Variants in SGCZ observed in about 807,000 individuals in gnomAD.
SGCZ encodes sarcoglycan zeta, also known as zeta-sarcoglycan.
In SGCZ, 40 loss-of-function variants were observed where a neutral mutation model predicts 41.3. The ratio of observed to expected loss-of-function variants is 0.97; its 90% confidence interval spans 0.75 to 1.26. SGCZ has a LOEUF of 1.26. SGCZ is among the 50% of genes most tolerant of loss of function. The pLI is 0.00. For missense variants in SGCZ, 552 were observed against 369.8 expected, an observed-to-expected ratio of 1.49 and a Z score of -4.04; for synonymous variants, 206 against 137.5, an observed-to-expected ratio of 1.50 and a Z score of -3.49.
intron 1 of SGCZ, among the ~76,000 whole-genome samples, chr8:14,863,970 G>T (rs1049315675): frequency 6.6e-6 from 1 of 152,112 alleles, no homozygotes; most frequent in Non-Finnish European, 1.5e-5. Flanking sequence ...AGACATTCAA[G>T]AAATTACTAA....
intron 1 of SGCZ, among the ~76,000 whole-genome samples, chr8:14,965,165 A>G (rs1366254628): frequency 2.0e-5 from 3 of 152,134 alleles, no homozygotes; most frequent in African/African-American, 4.8e-5. Context: ...CTGCGGCCAT[A>G]GTTCGCAGAA....
At chr8:14,702,668 G>C (rs1199880694) in intron 1 of SGCZ, among the ~76,000 whole-genome samples, 2 of 151,624 alleles carry the variant, frequency 1.3e-5, no homozygotes, top group Non-Finnish European at 2.9e-5. Flanking sequence ...CAAACACCTT[G>C]GGGTCACTGA....
At chr8:14,592,466 C>T (rs1315330639) in intron 1 of SGCZ, among the ~76,000 whole-genome samples, 4 of 151,920 alleles carry the variant, frequency 2.6e-5, no homozygotes, top group Non-Finnish European at 5.9e-5. Context: ...TAATGTAATT[C>T]TTTCTTAATT....
chr8:14,391,851 C>T (rs773613398), intron 2 of SGCZ, among the ~76,000 whole-genome samples: 1 of 152,038 alleles, frequency 6.6e-6, no homozygotes, highest in Non-Finnish European at 1.5e-5. Flanking sequence ...AATGGTGGAG[C>T]TTTGCAACTG....
At chr8:14,757,319 G>T (rs902440069) in intron 1 of SGCZ, among the ~76,000 whole-genome samples, 2 of 152,224 alleles carry the variant, frequency 1.3e-5, no homozygotes, top group Non-Finnish European at 2.9e-5. Flanking sequence ...AAAGCACTGG[G>T]ACTGCAGGCG....
At chr8:14,895,397 A>T (rs961864386) in intron 1 of SGCZ, among the ~76,000 whole-genome samples, 1 of 152,116 alleles carries the variant, frequency 6.6e-6, no homozygotes, top group African/African-American at 2.4e-5. Context: ...TTACCAATGC[A>T]CATCTGTGTG....
At chr8:14,795,205 T>C (rs1370696083) in intron 1 of SGCZ, among the ~76,000 whole-genome samples, 1 of 152,182 alleles carries the variant, frequency 6.6e-6, no homozygotes, top group Non-Finnish European at 1.5e-5. Context: ...GATATATTTG[T>C]TCCTTAGACA....
chr8:14,436,218 G>A (rs188494815), intron 2 of SGCZ, among the ~76,000 whole-genome samples: 92 of 152,238 alleles, frequency 6.0e-4, no homozygotes, highest in African/African-American at 1.9e-3. Flanking sequence ...AATGAGCCAC[G>A]GAACTCGTGG....
intron 1 of SGCZ, among the ~76,000 whole-genome samples, chr8:15,135,727 G>C (rs1048187232): frequency 6.6e-6 from 1 of 151,836 alleles, no homozygotes; most frequent in Non-Finnish European, 1.5e-5. Flanking sequence ...CCCAGAACTG[G>C]GGCTTGGCCT....
intron 5 of SGCZ, among the ~76,000 whole-genome samples, chr8:14,154,273 G>A (rs542554976): frequency 6.6e-5 from 10 of 152,112 alleles, no homozygotes; most frequent in Non-Finnish European, 1.3e-4. Flanking sequence ...GGAGGCTGAG[G>A]CAGGAGAATG....
At chr8:14,698,632 G>A (rs1225908513) in intron 1 of SGCZ, among the ~76,000 whole-genome samples, 1 of 151,838 alleles carries the variant, frequency 6.6e-6, no homozygotes, top group Non-Finnish European at 1.5e-5. Flanking sequence ...ATATGTGTGG[G>A]GGGGTATAAT....
At chr8:14,501,660 G>A (rs1471793369) in intron 2 of SGCZ, among the ~76,000 whole-genome samples, 8 of 148,734 alleles carry the variant, frequency 5.4e-5, no homozygotes, top group Admixed American at 1.3e-4. Flanking sequence ...GCATGTATTA[G>A]ACACTTCTTG....
In SGCZ at chr8:14,547,739, C is replaced by G. The variant is rs190043157; in HGVS notation, c.234+6993G>C. 4.2e-3 allele frequency among the ~76,000 whole-genome samples: 642 copies of G among 152,228 alleles called. 2 individuals are homozygous for G. Among genetic ancestry groups the G allele is most frequent in the Admixed American group, 9.6e-3 (146 of 15,268 alleles). On this transcript the variant is annotated intron_variant, in intron 2 of 7. Transcript: ENST00000382080. ...AGCCAGAGAAGTTCAGTAATCAGCA[C>G]AAGGTAACCCTGCTAAGAAGCTAGT...
intron 3 of SGCZ, among the ~76,000 whole-genome samples, chr8:14,262,454 T>G (rs1799708077): frequency 6.6e-6 from 1 of 152,072 alleles, no homozygotes; most frequent in Non-Finnish European, 1.5e-5. Flanking sequence ...AATTTTTACT[T>G]AAGGTTAATT....
chr8:14,459,125 G>A (rs1432543678), intron 2 of SGCZ, among the ~76,000 whole-genome samples: 1 of 152,080 alleles, frequency 6.6e-6, no homozygotes. Context: ...ATTCTACATG[G>A]ATGAAGCTGG....
intron 2 of SGCZ, among the ~76,000 whole-genome samples, chr8:14,339,106 T>C (rs1029000217): frequency 6.6e-6 from 1 of 151,642 alleles, no homozygotes; most frequent in Admixed American, 6.6e-5. Flanking sequence ...TGTTTTTTTT[T>C]CTCCAGAGTG....
At chr8:14,828,626 G>T (rs146227098) in intron 1 of SGCZ, among the ~76,000 whole-genome samples, 7 of 152,286 alleles carry the variant, frequency 4.6e-5, no homozygotes, top group African/African-American at 1.7e-4. Context: ...CTATCAAGAG[G>T]TGTCAGTGGT....
intron 3 of SGCZ, among the ~76,000 whole-genome samples, chr8:14,297,307 G>T (rs1335930751): frequency 6.6e-6 from 1 of 151,854 alleles, no homozygotes; most frequent in Non-Finnish European, 1.5e-5. Context: ...TCTTAAAATT[G>T]TATTTAATAG....
At chr8:14,437,084 T>A (rs1237291226) in intron 2 of SGCZ, among the ~76,000 whole-genome samples, 2 of 152,162 alleles carry the variant, frequency 1.3e-5, no homozygotes, top group Non-Finnish European at 2.9e-5. Flanking sequence ...TATTAGCATG[T>A]GATTTTTATA....
Sources: gnomAD v4.1 joint callset for allele counts (sites outside exome capture counted in the v4.1 genomes callset) on GRCh38, gnomAD v4.1.1 for gene constraint, MANE v1.5 for transcripts, NCBI Gene and HGNC (gene_info 2026-07-23, HGNC 2026-07-21) for gene names.